Variants in PLXNA2 observed in about 807,000 individuals in gnomAD.
PLXNA2 encodes the protein plexin-A2.
A neutral mutation model predicts 193.5 loss-of-function variants in PLXNA2; 91 were observed. The ratio of observed to expected loss-of-function variants is 0.47; its 90% confidence interval spans 0.40 to 0.56. The LOEUF (loss-of-function observed/expected upper bound fraction) is 0.56. Among genes scored for constraint, PLXNA2 ranks in the 20% least tolerant of loss-of-function variants. The pLI, the probability that PLXNA2 is intolerant of heterozygous loss-of-function variation, is 0.00. For missense variants in PLXNA2, 1,995 were observed against 2,503.2 expected (o/e 0.80, Z 4.33); for synonymous variants, 997 against 1,027.3 (o/e 0.97, Z 0.56).
intron 8 of PLXNA2, among the ~76,000 whole-genome samples, chr1:208,093,196 A>G (rs910833808): frequency 6.6e-6 from 1 of 152,238 alleles, no homozygotes; most frequent in Non-Finnish European, 1.5e-5. Flanking sequence ...TTGCAAGCTG[A>G]TAGACATCAT....
At chr1:208,193,673 C>A (rs1216364182) in intron 3 of PLXNA2, among the ~76,000 whole-genome samples, 1 of 152,110 alleles carries the variant, frequency 6.6e-6, no homozygotes, top group Non-Finnish European at 1.5e-5. Context: ...GGCCTTGGAA[C>A]CAGGGAGGAT....
At chr1:208,046,813 T>A (rs1571859207) in intron 17 of PLXNA2, among the ~76,000 whole-genome samples, 1 of 94,994 alleles carries the variant, frequency 1.1e-5, no homozygotes. Context: ...TGTGTGTGTG[T>A]GTGTGTGTGT....
At chr1:208,153,203 T>C (rs1442647202) in intron 3 of PLXNA2, among the ~76,000 whole-genome samples, 1 of 152,146 alleles carries the variant, frequency 6.6e-6, no homozygotes. Flanking sequence ...CTATTATTGT[T>C]TGATGTCATG....
intron 1 of PLXNA2, among the ~76,000 whole-genome samples, chr1:208,229,082 C>T (rs1671605059): frequency 6.6e-6 from 1 of 152,166 alleles, no homozygotes; most frequent in Admixed American, 6.5e-5. Flanking sequence ...TAGGCTCAGC[C>T]CCGCATTCTC....
Position 208,065,852 on chromosome 1 carries a change from G to C in PLXNA2, c.2587-5015C>G, listed in dbSNP as rs566816949. Among the ~76,000 whole-genome samples the C allele has an allele frequency of 2.0e-5, 3 of 152,278 alleles. No homozygotes were observed. The East Asian group carries it at 5.8e-4, about 29-fold the overall frequency. On this transcript the variant is annotated intron_variant, in intron 12 of 31. Transcript: ENST00000367033. Reference sequence around the variant, plus strand: ...CCCAAAATAAGTTTGGAAGAACACTGGCCCTGTACAAGATGTTCTTTATTC... The same window carrying C: ...CCCAAAATAAGTTTGGAAGAACACTCGCCCTGTACAAGATGTTCTTTATTC...
At chr1:208,172,649 A>G (rs1486567906) in intron 3 of PLXNA2, among the ~76,000 whole-genome samples, 1 of 152,052 alleles carries the variant, frequency 6.6e-6, no homozygotes, top group East Asian at 1.9e-4. Context: ...TTTATAACAG[A>G]TTCTGGAGGG....
At chr1:208,161,989 G>A (rs148586893) in intron 3 of PLXNA2, among the ~76,000 whole-genome samples, 13 of 152,368 alleles carry the variant, frequency 8.5e-5, no homozygotes, top group African/African-American at 2.9e-4. Flanking sequence ...GAGAGGGGGA[G>A]CAGGAGCCAG....
At chr1:208,090,634 C>A (rs1209840705) in intron 9 of PLXNA2, among the ~76,000 whole-genome samples, 1 of 152,110 alleles carries the variant, frequency 6.6e-6, no homozygotes, top group East Asian at 1.9e-4. Flanking sequence ...AGCTGCAGGT[C>A]GCTTTCAGGC....
At chr1:208,102,505 A>AACTTCTTAG (rs1667128892) in intron 5 of PLXNA2, among the ~76,000 whole-genome samples, 1 of 152,222 alleles carries the variant, frequency 6.6e-6, no homozygotes. Context: ...GTGAGATGTG[A>AACTTCTTAG]ACTTCTTAGA....
chr1:208,109,472 A>C (rs1667392244), intron 4 of PLXNA2, among the ~76,000 whole-genome samples: 1 of 152,236 alleles, frequency 6.6e-6, no homozygotes, highest in Non-Finnish European at 1.5e-5. Flanking sequence ...GTATGGACAG[A>C]GATCAATAAC....
At chr1:208,063,026 C>G (rs1451235477) in intron 12 of PLXNA2, among the ~76,000 whole-genome samples, 1 of 152,168 alleles carries the variant, frequency 6.6e-6, no homozygotes, top group Non-Finnish European at 1.5e-5. Context: ...TTTTAATCCA[C>G]TTGGAATGAG....
chr1:208,210,487 G>C, intron 2 of PLXNA2, 25 bp from the exon 3 acceptor site: 1 of 1,592,858 alleles, frequency 6.3e-7, no homozygotes, highest in Non-Finnish European at 8.6e-7. Flanking sequence ...AAGGAATTGG[G>C]GTGAGTAACA....
At chr1:208,092,444 C>A (rs1294932784) in intron 9 of PLXNA2, among the ~76,000 whole-genome samples, 1 of 152,186 alleles carries the variant, frequency 6.6e-6, no homozygotes, top group Non-Finnish European at 1.5e-5. Context: ...GGGCTAGACT[C>A]AAAGAATAAA....
chr1:208,164,850 C>G (rs1380077176), intron 3 of PLXNA2, among the ~76,000 whole-genome samples: 2 of 152,234 alleles, frequency 1.3e-5, no homozygotes, highest in Non-Finnish European at 2.9e-5. Context: ...ATTCTCTTAT[C>G]TCGCCGGGAC....
chr1:208,128,974 C>T (rs1181484552), intron 4 of PLXNA2, among the ~76,000 whole-genome samples: 1 of 152,156 alleles, frequency 6.6e-6, no homozygotes, highest in Non-Finnish European at 1.5e-5. Flanking sequence ...GGATTACAGG[C>T]GTGAGCCACT....
chr1:208,203,114 A>C (rs753866279), intron 3 of PLXNA2, among the ~76,000 whole-genome samples: 64 of 152,196 alleles, frequency 4.2e-4, no homozygotes, highest in Non-Finnish European at 7.8e-4. Context: ...GGAGTGGGAC[A>C]TTCTGTAAAT....
chr1:208,183,610 G>C (rs1669911286), intron 3 of PLXNA2, among the ~76,000 whole-genome samples: 1 of 146,298 alleles, frequency 6.8e-6, no homozygotes, highest in Non-Finnish European at 1.5e-5. Flanking sequence ...GAGGGAGAGG[G>C]GGGGGTCTTT....
intron 3 of PLXNA2, 143 bp from the exon 4 acceptor site, chr1:208,142,606 T>C (rs1040221238): frequency 1.5e-5 from 11 of 746,888 alleles, no homozygotes; most frequent in Non-Finnish European, 2.3e-5. Flanking sequence ...CCACTTCTTT[T>C]AAACAGCCCA....
chr1:208,135,338 G>T (rs1668270457), intron 4 of PLXNA2, among the ~76,000 whole-genome samples: 1 of 152,262 alleles, frequency 6.6e-6, no homozygotes, highest in South Asian at 2.1e-4. Context: ...TGGGGATGAG[G>T]TCCCACTCCC....
Sources: gnomAD v4.1 joint callset for allele counts (sites outside exome capture counted in the v4.1 genomes callset) on GRCh38, gnomAD v4.1.1 for gene constraint, MANE v1.5 for transcripts, NCBI Gene and HGNC (gene_info 2026-07-23, HGNC 2026-07-21) for gene names.